Variants in SEMA6D observed in about 807,000 individuals in gnomAD.
The protein encoded by SEMA6D is semaphorin-6D.
In SEMA6D, 35 loss-of-function variants were observed where a neutral mutation model predicts 106.6. The ratio of observed to expected loss-of-function variants is 0.33; its 90% CI spans 0.25 to 0.44. The LOEUF (loss-of-function observed/expected upper bound fraction) is 0.44, where lower values mean the gene tolerates loss of function less well. Ranked by LOEUF, SEMA6D falls within the 20% of genes least tolerant of loss-of-function variation. The probability of loss-of-function intolerance (pLI) is 1.00; values close to 1 mark genes in which losing one functional copy is unlikely to be tolerated. For missense variants in SEMA6D, 1,185 were observed against 1,345.9 expected, an observed-to-expected ratio of 0.88 and a Z score of 1.87; for synonymous variants, 499 against 487.7, an observed-to-expected ratio of 1.02 and a Z score of -0.31.
At chr15:47,441,930 T>G (rs1266292629) in intron 2 of SEMA6D, among the ~76,000 whole-genome samples, 1 of 152,090 alleles carries the variant, frequency 6.6e-6, no homozygotes, top group Non-Finnish European at 1.5e-5. Flanking sequence ...TTATTGATAT[T>G]ATTATAACTC....
intron 18 of SEMA6D, among the ~76,000 whole-genome samples, chr15:47,769,020 G>A (rs770190462): frequency 2.6e-5 from 4 of 152,196 alleles, no homozygotes; most frequent in African/African-American, 4.8e-5. Context: ...AAGAAGCAGA[G>A]AGCCTGCTGG....
At chr15:47,434,949 C>T (rs2140632359) in intron 2 of SEMA6D, among the ~76,000 whole-genome samples, 1 of 152,240 alleles carries the variant, frequency 6.6e-6, no homozygotes, top group South Asian at 2.1e-4. Context: ...CACATACACA[C>T]ACATAGACCA....
At chr15:47,733,353 C>T (rs2146769653) in intron 1 of SEMA6D, among the ~76,000 whole-genome samples, 1 of 152,198 alleles carries the variant, frequency 6.6e-6, no homozygotes, top group African/African-American at 2.4e-5. Flanking sequence ...GGTAAGGAGG[C>T]TCCTTCTTTA....
chr15:47,712,508 TG>T (rs2079040266), upstream of SEMA6D, among the ~76,000 whole-genome samples: 1 of 152,222 alleles, frequency 6.6e-6, no homozygotes, highest in Non-Finnish European at 1.5e-5. Context: ...CTATTGTATC[TG>T]GCCAGGATCT....
chr15:47,278,509 A>G (rs2034946797), intron 1 of SEMA6D, among the ~76,000 whole-genome samples: 1 of 152,114 alleles, frequency 6.6e-6, no homozygotes, highest in Non-Finnish European at 1.5e-5. Context: ...GATTCTGGAT[A>G]TTAGCCCTTT....
intron 1 of SEMA6D, among the ~76,000 whole-genome samples, chr15:47,284,880 A>G (rs2035290514): frequency 6.6e-6 from 1 of 152,196 alleles, no homozygotes; most frequent in African/African-American, 2.4e-5. Flanking sequence ...ATGATATTTC[A>G]TGCCTCACAT....
At chr15:47,453,954 C>G (rs879788428) in intron 2 of SEMA6D, among the ~76,000 whole-genome samples, 12 of 151,948 alleles carry the variant, frequency 7.9e-5, no homozygotes, top group Admixed American at 7.9e-4. Flanking sequence ...CCATGTGAAT[C>G]TGACGCCCCA....
intron 1 of SEMA6D, among the ~76,000 whole-genome samples, chr15:47,407,043 T>C (rs2040597966): frequency 6.6e-6 from 1 of 151,914 alleles, no homozygotes; most frequent in Non-Finnish European, 1.5e-5. Flanking sequence ...TATGTAGTTT[T>C]TGTGGTGGAA....
At chr15:47,731,147 C>T (rs1025853176) in intron 1 of SEMA6D, among the ~76,000 whole-genome samples, 5 of 152,082 alleles carry the variant, frequency 3.3e-5, no homozygotes, top group Non-Finnish European at 7.4e-5. Flanking sequence ...TTTGGGATCA[C>T]GTAAACTTCA....
chr15:47,268,341 A>G (rs2034414558), intron 1 of SEMA6D, among the ~76,000 whole-genome samples: 2 of 152,018 alleles, frequency 1.3e-5, no homozygotes, highest in African/African-American at 4.8e-5. Context: ...TGTCCTTTTT[A>G]TTATTTCATT....
At chr15:47,668,159 A>C (rs572031906) in intron 4 of SEMA6D, among the ~76,000 whole-genome samples, 10 of 151,844 alleles carry the variant, frequency 6.6e-5, no homozygotes, top group African/African-American at 2.2e-4. Context: ...AGTATCACTT[A>C]GACTGAACTT....
At chr15:47,547,573 C>A (rs781476542) in intron 3 of SEMA6D, among the ~76,000 whole-genome samples, 2 of 151,954 alleles carry the variant, frequency 1.3e-5, no homozygotes, top group Non-Finnish European at 2.9e-5. Context: ...TTTGGTAAGT[C>A]CCAATAAAAT....
At chr15:47,699,738 T>G (rs1416824354) in intron 4 of SEMA6D, among the ~76,000 whole-genome samples, 2 of 152,194 alleles carry the variant, frequency 1.3e-5, no homozygotes, top group Non-Finnish European at 1.5e-5. Context: ...ACTTTCCCCA[T>G]GAAGACCAAG....
chr15:47,659,723 C>T (rs899668083), intron 4 of SEMA6D, among the ~76,000 whole-genome samples: 3 of 151,630 alleles, frequency 2.0e-5, no homozygotes, highest in African/African-American at 7.3e-5. Context: ...TTAAAGTTCA[C>T]GAAAGGAAAG....
intron 1 of SEMA6D, among the ~76,000 whole-genome samples, chr15:47,233,692 G>A (rs562618893): frequency 8.6e-5 from 13 of 151,904 alleles, no homozygotes; most frequent in Middle Eastern, 3.4e-3. Context: ...AAATGGGATC[G>A]TTTTCTTAAT....
At chr15:47,268,682 C>T (rs1566962693) in intron 1 of SEMA6D, among the ~76,000 whole-genome samples, 1 of 152,150 alleles carries the variant, frequency 6.6e-6, no homozygotes, top group African/African-American at 2.4e-5. Flanking sequence ...TTTCCTTATC[C>T]CATGACTGCC....
intron 1 of SEMA6D, among the ~76,000 whole-genome samples, chr15:47,311,967 A>G (rs2036465336): frequency 6.6e-6 from 1 of 152,164 alleles, no homozygotes; most frequent in Admixed American, 6.5e-5. Flanking sequence ...CATCTTCAGC[A>G]GTTTTTATCC....
intron 3 of SEMA6D, among the ~76,000 whole-genome samples, chr15:47,556,051 A>G (rs916397998): frequency 2.6e-5 from 4 of 152,280 alleles, no homozygotes; most frequent in East Asian, 1.9e-4. Context: ...TAAAGGCCTC[A>G]TTAGAAGCCA....
chr15:47,582,179 G>C (rs1249863065), intron 3 of SEMA6D, among the ~76,000 whole-genome samples: 2 of 152,154 alleles, frequency 1.3e-5, no homozygotes, highest in Admixed American at 1.3e-4. Flanking sequence ...TTAAGCAACT[G>C]CCAGTGCCCA....
Sources: gnomAD v4.1 joint callset for allele counts (sites outside exome capture counted in the v4.1 genomes callset) on GRCh38, gnomAD v4.1.1 for gene constraint, MANE v1.5 for transcripts, NCBI Gene and HGNC (gene_info 2026-07-23, HGNC 2026-07-21) for gene names.